The following BARX2 variants were observed in gnomAD, a reference collection of about 807,000 sequenced individuals.
BARX2 encodes homeobox protein BarH-like 2.
Under a neutral mutation model 25.5 loss-of-function variants are expected in BARX2, and 11 were observed. The ratio of observed to expected loss-of-function variants is 0.43; its 90% CI spans 0.27 to 0.71. The LOEUF (loss-of-function observed/expected upper bound fraction) is 0.71, where lower values mean the gene tolerates loss of function less well. Among genes scored for constraint, BARX2 ranks in the 30% least tolerant of loss-of-function variants. BARX2 has a pLI of 0.19. For missense variants in BARX2, 360 were observed against 359.9 expected, an observed-to-expected ratio of 1.00 and a Z score of 0.00; for synonymous variants, 137 against 149.5, an observed-to-expected ratio of 0.92 and a Z score of 0.61.
Position 129,436,292 on chromosome 11 carries a change from A to T in BARX2, c.188-459A>T, listed in dbSNP as rs989029311. On this transcript the variant is annotated intron_variant, in intron 1 of 3. Transcript: ENST00000281437. The surrounding 1 kb of genome is among the most constrained non-coding windows in gnomAD (Gnocchi z 4.5). ...TGAAAAATGCTATGCTTCAAGGTAC[A>T]CAGACTTCTCAGGAAGAATTCATAG... 4.4e-5 allele frequency: 7 copies of T among 159,480 alleles called. No individual in the cohort carries two copies. Among genetic ancestry groups the T allele is most frequent in the Non-Finnish European group, 9.6e-5 (7 of 73,282 alleles). 9.9% of individuals were successfully genotyped at this position (159,480 alleles called of 1,614,324 possible). A position where few individuals can be genotyped will look rare whatever the true frequency, so the allele number is the denominator to read the frequency against.
chr11:129,430,594 C>CA (rs1259110692), intron 1 of BARX2, among the ~76,000 whole-genome samples: 1 of 151,940 alleles, frequency 6.6e-6, no homozygotes, highest in Non-Finnish European at 1.5e-5. Context: ...TTGACAAATG[C>CA]AAAAAATTAT....
At chr11:129,434,421 T>TAAAAAAAAAAAAAAAAAAAAAAAAAGAA (rs56344103) in intron 1 of BARX2, among the ~76,000 whole-genome samples, 1 of 76,378 alleles carries the variant, frequency 1.3e-5, no homozygotes, top group African/African-American at 5.0e-5. Context: ...AAAAAGTAAG[T>TAAAAAAAAAAAAAAAAAAAAAAAAAGAA]AAAAAAAAAA....
intron 1 of BARX2, among the ~76,000 whole-genome samples, chr11:129,404,449 C>T (rs1040891902): frequency 6.6e-6 from 1 of 152,190 alleles, no homozygotes; most frequent in Non-Finnish European, 1.5e-5. Flanking sequence ...ACAAGGGCAT[C>T]AGTTTTTCCC....
chr11:129,398,026 A>G (rs1204551401), intron 1 of BARX2, among the ~76,000 whole-genome samples: 2 of 152,228 alleles, frequency 1.3e-5, no homozygotes, highest in African/African-American at 4.8e-5. Context: ...ATGTCACTGT[A>G]TAAGATGTAG....
In BARX2 at chr11:129,388,021, C is replaced by A. The variant is rs146261241; in HGVS notation, c.187+11799C>A. Among the ~76,000 whole-genome samples, 11 of 151,946 alleles carry A rather than the reference C, an allele frequency of 7.2e-5. No individual in the cohort carries two copies. The East Asian group carries it at 2.1e-3, about 29-fold the overall frequency. Reference sequence around the variant, plus strand: ...GCATCTGTCTCTTTCAATATAGACTCCAGTACTGGATATGATTATATGAAA... The same window carrying A: ...GCATCTGTCTCTTTCAATATAGACTACAGTACTGGATATGATTATATGAAA... On this transcript the variant is annotated intron_variant, in intron 1 of 3. Transcript: ENST00000281437.
chr11:129,379,566 G>A (rs1194660839), intron 1 of BARX2, among the ~76,000 whole-genome samples: 3 of 152,090 alleles, frequency 2.0e-5, no homozygotes, highest in African/African-American at 7.2e-5. Context: ...CCCACTTGAA[G>A]AAAGCTGGTT....
intron 1 of BARX2, among the ~76,000 whole-genome samples, chr11:129,417,728 G>A (rs1352991362): frequency 2.6e-5 from 4 of 152,208 alleles, no homozygotes; most frequent in South Asian, 2.1e-4. Flanking sequence ...GATGTTTGGC[G>A]AAGGATTGTG....
At chr11:129,383,344 C>T (rs745306531) in intron 1 of BARX2, among the ~76,000 whole-genome samples, 2 of 152,128 alleles carry the variant, frequency 1.3e-5, no homozygotes, top group South Asian at 2.1e-4. Flanking sequence ...ACTTGGCACA[C>T]GTTTAAGGAG....
rs540018397 is a variant in BARX2, at chr11:129,390,253, G to C, written c.187+14031G>C. ...TCTAGTGGCCTCATCCAGGTTCTGT[G>C]GTGGGTGGGGGCCAAGTGGGATAAG... is the stretch of plus-strand genomic sequence containing the variant. On this transcript the variant is annotated intron_variant, in intron 1 of 3. Coordinates refer to ENST00000281437, the MANE Select transcript of BARX2 (RefSeq NM_003658.5). This position sits in a 1 kb window ranked among gnomAD's most constrained non-coding sequence, Gnocchi z 4.3. Among the ~76,000 whole-genome samples, 7 of 152,274 alleles carry C rather than the reference G, an allele frequency of 4.6e-5. No homozygotes were observed. The East Asian group carries it at 1.2e-3, about 25-fold the overall frequency.
rs750105840 is a variant in BARX2, at chr11:129,376,097, G to A, written c.62G>A (p.Arg21His). The A allele has an allele frequency of 1.2e-6, 2 of 1,611,630 alleles. No homozygotes were observed. The highest frequency in any genetic ancestry group is 1.1e-5 in the South Asian group (1 of 90,842). The change falls in exon 1 of 4, where the codon CGC becomes CAC. Residue 21 changes from arginine (R) to histidine (H), a missense_variant. Transcript: ENST00000281437. The surrounding 1 kb of genome is among the most constrained non-coding windows in gnomAD (Gnocchi z 4.2). ...GGCCAGCTCAAAGCAGCCAGGCGGC[G>A]CTACAAGACTTTCATGATCGACGAG... ...SPGQLKAARR[R>H]YKTFMIDEIL...
chr11:129,451,395 T>C lies in BARX2; in HGVS notation c.833T>C (p.Leu278Ser). ...LPIPSSEPPP[L>S]S ...ATACCCTCTTCGGAACCCCCACCATTAAGCTAAAGTAAAACCCTTTTGAGG... is the reference window on the plus strand; with the variant it reads ...ATACCCTCTTCGGAACCCCCACCATCAAGCTAAAGTAAAACCCTTTTGAGG... Residue 278 changes from leucine (L) to serine (S), a missense_variant, in exon 4 of 4, where the codon TTA becomes TCA. By Grantham distance (145) the Leu-to-Ser change is moderately radical. Transcript: ENST00000281437. 1.9e-6 allele frequency: 3 copies of C among 1,612,022 alleles called. No homozygotes were observed. The highest frequency in any genetic ancestry group is 2.5e-6 in the Non-Finnish European group (3 of 1,178,396).
intron 1 of BARX2, among the ~76,000 whole-genome samples, chr11:129,416,377 C>G (rs1378359153): frequency 2.0e-5 from 3 of 152,158 alleles, no homozygotes; most frequent in Non-Finnish European, 2.9e-5. Flanking sequence ...GTAACAGGAA[C>G]AGTGCTTGGG....
chr11:129,444,421 G>A (rs1465496338), intron 3 of BARX2, among the ~76,000 whole-genome samples: 1 of 152,268 alleles, frequency 6.6e-6, no homozygotes, highest in African/African-American at 2.4e-5. Flanking sequence ...AAGTGCCCAC[G>A]AATTAAGACA....
chr11:129,386,030 T>C (rs1021802362), intron 1 of BARX2, among the ~76,000 whole-genome samples: 6 of 152,258 alleles, frequency 3.9e-5, no homozygotes, highest in African/African-American at 1.4e-4. Context: ...CTTCTGAAAG[T>C]GGCTTTTGGA....
intron 1 of BARX2, among the ~76,000 whole-genome samples, chr11:129,409,220 G>A (rs762589032): frequency 1.1e-4 from 17 of 152,154 alleles, no homozygotes; most frequent in South Asian, 2.1e-4. Context: ...TCAGGCGAGC[G>A]ATTCATGTTT....
intron 1 of BARX2, among the ~76,000 whole-genome samples, chr11:129,407,690 G>C (rs1861845675): frequency 6.6e-6 from 1 of 152,128 alleles, no homozygotes; most frequent in African/African-American, 2.4e-5. Flanking sequence ...TCGAAAATAT[G>C]ATTCTGGACT....
intron 1 of BARX2, among the ~76,000 whole-genome samples, chr11:129,416,616 C>T (rs1378099348): frequency 3.9e-5 from 6 of 152,104 alleles, no homozygotes; most frequent in Non-Finnish European, 8.8e-5. Flanking sequence ...TCATTTCCTC[C>T]TTGAACTCTG....
At chr11:129,419,221 A>G (rs1477359115) in intron 1 of BARX2, among the ~76,000 whole-genome samples, 11 of 152,190 alleles carry the variant, frequency 7.2e-5, no homozygotes, top group Non-Finnish European at 1.5e-5. Flanking sequence ...TACTTACCCT[A>G]CTTCATTTTA....
intron 1 of BARX2, among the ~76,000 whole-genome samples, chr11:129,396,761 G>A (rs1022496029): frequency 7.9e-5 from 12 of 152,160 alleles, no homozygotes; most frequent in Admixed American, 3.3e-4. Context: ...GAGAGCTACA[G>A]GACGTGGGAT....
Sources: gnomAD v4.1 joint callset for allele counts (sites outside exome capture counted in the v4.1 genomes callset) on GRCh38, gnomAD v4.1.1 for gene constraint, Gnocchi (gnomAD v3.1) non-coding constraint, MANE v1.5 for transcripts, NCBI Gene and HGNC (gene_info 2026-07-23, HGNC 2026-07-21) for gene names.